SMOC2: variants seen among roughly 807,000 people sequenced by gnomAD.
SMOC2 encodes the protein SPARC-related modular calcium-binding protein 2.
In SMOC2, 39 loss-of-function variants were observed where a neutral mutation model predicts 61.4. That is an observed-to-expected ratio of 0.64 (90% confidence interval 0.49 to 0.83). The LOEUF (loss-of-function observed/expected upper bound fraction) is 0.83. SMOC2 is among the 40% of genes least tolerant of loss of function. The probability of loss-of-function intolerance (pLI) is 0.00; values close to 1 mark genes in which losing one functional copy is unlikely to be tolerated. For missense variants in SMOC2, 556 were observed against 592.9 expected, an observed-to-expected ratio of 0.94 and a Z score of 0.65; for synonymous variants, 247 against 239.9, an observed-to-expected ratio of 1.03 and a Z score of -0.27.
At chr6:168,612,877 G>A (rs918677866) in intron 9 of SMOC2, among the ~76,000 whole-genome samples, 6 of 152,186 alleles carry the variant, frequency 3.9e-5, no homozygotes, top group African/African-American at 1.2e-4. Context: ...CAGGAGCATC[G>A]GCCAAGGAGA....
At chr6:168,497,698 A>G (rs1426324477) in intron 1 of SMOC2, among the ~76,000 whole-genome samples, 1 of 152,162 alleles carries the variant, frequency 6.6e-6, no homozygotes, top group African/African-American at 2.4e-5. Flanking sequence ...GCTCAGATGA[A>G]GTGAGAGACA....
At chr6:168,595,742 C>T (rs1785314361) in intron 7 of SMOC2, among the ~76,000 whole-genome samples, 1 of 152,338 alleles carries the variant, frequency 6.6e-6, no homozygotes, top group Admixed American at 6.5e-5. Context: ...TTTCTTCTGA[C>T]TCTGCTCTAA....
rs554743697 is a variant in SMOC2, at chr6:168,468,256, G to A, written c.84+26802G>A. ...CTGCGGGTTCTTTGCTTCCCATGGT[G>A]ATCGCAGCAGGTGAGGAATGTGTAT... On this transcript the variant is annotated intron_variant, in intron 1 of 12. Transcript: ENST00000356284. Among the ~76,000 whole-genome samples the A allele has an allele frequency of 4.6e-5, 7 of 152,304 alleles. No homozygotes were observed. In the East Asian group the frequency reaches 1.4e-3, roughly 29 times the overall value.
chr6:168,533,796 A>G (rs1426861554), intron 4 of SMOC2, among the ~76,000 whole-genome samples: 4 of 152,262 alleles, frequency 2.6e-5, no homozygotes, highest in Non-Finnish European at 5.9e-5. Flanking sequence ...TGTGAAAGAA[A>G]TTTAAAAGAA....
intron 1 of SMOC2, among the ~76,000 whole-genome samples, chr6:168,492,595 T>C (rs1216235309): frequency 2.6e-5 from 4 of 152,246 alleles, no homozygotes; most frequent in Non-Finnish European, 4.4e-5. Context: ...TTCATAGTTA[T>C]TACCACATGA....
At position 168,519,021 on chromosome 6, in the gene SMOC2, G is replaced by C. The variant is rs942287511; in HGVS notation, c.257-7325G>C. Among the ~76,000 whole-genome samples, 189 of 94,256 alleles carry C rather than the reference G, an allele frequency of 2.0e-3. 3 individuals are homozygous for C. The highest frequency in any genetic ancestry group is 1.4e-3 in the Non-Finnish European group (45 of 32,340). 61.8% of individuals were successfully genotyped at this position (94,256 alleles called of 152,430 possible). ...TGCATGTGTGAGTATGCGTGCATGC[G>C]AACATGTGTGTGTATGTGTGCATGT... is the stretch of plus-strand genomic sequence containing the variant. On this transcript the variant is annotated intron_variant, in intron 2 of 12. Transcript: ENST00000356284.
chr6:168,532,601 C>T (rs535484311), intron 4 of SMOC2, among the ~76,000 whole-genome samples: 67 of 152,256 alleles, frequency 4.4e-4, no homozygotes, highest in Non-Finnish European at 7.2e-4. Flanking sequence ...GCACCCTGAC[C>T]AAGAGCTGGT....
chr6:168,566,732 C>G (rs115908560), intron 7 of SMOC2, among the ~76,000 whole-genome samples: 2,606 of 152,124 alleles, frequency 0.017, 50 homozygotes, highest in African/African-American at 0.047. Flanking sequence ...ATCTCTTGAC[C>G]TCATGATCTG....
intron 7 of SMOC2, among the ~76,000 whole-genome samples, chr6:168,560,472 G>A (rs947064089): frequency 2.0e-5 from 3 of 152,054 alleles, no homozygotes; most frequent in Non-Finnish European, 4.4e-5. Context: ...AGAAGAATGC[G>A]TCCTCTGTGC....
intron 1 of SMOC2, among the ~76,000 whole-genome samples, chr6:168,493,653 T>C (rs1291386840): frequency 6.6e-6 from 1 of 152,226 alleles, no homozygotes; most frequent in Non-Finnish European, 1.5e-5. Context: ...TATATTAATT[T>C]GATATATTAA....
intron 1 of SMOC2, among the ~76,000 whole-genome samples, chr6:168,488,054 C>T (rs1006338668): frequency 6.6e-6 from 1 of 152,170 alleles, no homozygotes; most frequent in Non-Finnish European, 1.5e-5. Context: ...AATACATCTG[C>T]AGTCGTTCTA....
At chr6:168,612,747 C>T (rs527682535) in intron 9 of SMOC2, among the ~76,000 whole-genome samples, 6 of 152,262 alleles carry the variant, frequency 3.9e-5, no homozygotes, top group South Asian at 2.1e-4. Context: ...GCCCTCGGCG[C>T]GGCAATGCAA....
chr6:168,533,824 C>A (rs1783667773), intron 4 of SMOC2, among the ~76,000 whole-genome samples: 1 of 152,272 alleles, frequency 6.6e-6, no homozygotes, highest in East Asian at 1.9e-4. Context: ...AAACAAACAA[C>A]CTTAAGGAGA....
chr6:168,537,602 C>T (rs889880609), intron 4 of SMOC2, among the ~76,000 whole-genome samples: 7 of 152,246 alleles, frequency 4.6e-5, no homozygotes, highest in African/African-American at 1.2e-4. Flanking sequence ...TTCTGTTCTT[C>T]GCTAGGACTC....
At chr6:168,643,572 C>G (rs1786946199) in intron 9 of SMOC2, among the ~76,000 whole-genome samples, 1 of 152,160 alleles carries the variant, frequency 6.6e-6, no homozygotes, top group Non-Finnish European at 1.5e-5. Flanking sequence ...AACGTGACAC[C>G]AGTGCCCACC....
intron 8 of SMOC2, among the ~76,000 whole-genome samples, chr6:168,601,482 G>A (rs1785553960): frequency 2.0e-5 from 3 of 152,234 alleles, no homozygotes; most frequent in African/African-American, 7.2e-5. Context: ...AGCTTTTCAA[G>A]GTTTTGGTAT....
intron 1 of SMOC2, among the ~76,000 whole-genome samples, chr6:168,482,788 T>C (rs781160443): frequency 1.1e-4 from 16 of 152,000 alleles, no homozygotes; most frequent in African/African-American, 3.1e-4. Flanking sequence ...AGTAACAGAA[T>C]GAATAGGGTA....
chr6:168,587,169 G>A (rs548716737), intron 7 of SMOC2, among the ~76,000 whole-genome samples: 68 of 152,300 alleles, frequency 4.5e-4, no homozygotes, highest in Middle Eastern at 3.4e-3. Context: ...GTTATGATTT[G>A]TAGTATTTTA....
intron 5 of SMOC2, among the ~76,000 whole-genome samples, chr6:168,546,488 G>GT (rs1326589576): frequency 6.6e-6 from 1 of 152,190 alleles, no homozygotes; most frequent in Non-Finnish European, 1.5e-5. Flanking sequence ...TATGGGTGGT[G>GT]TAGGGGCCTG....
Sources: gnomAD v4.1 joint callset for allele counts (sites outside exome capture counted in the v4.1 genomes callset) on GRCh38, gnomAD v4.1.1 for gene constraint, MANE v1.5 for transcripts, NCBI Gene and HGNC (gene_info 2026-07-23, HGNC 2026-07-21) for gene names.